PCDHA11: variants seen among roughly 807,000 people sequenced by gnomAD.
PCDHA11 encodes the protein protocadherin alpha-11.
A neutral mutation model predicts 70.3 loss-of-function variants in PCDHA11; 61 were observed. The ratio of observed to expected loss-of-function variants is 0.87; its 90% CI spans 0.71 to 1.07. The LOEUF is 1.07. Ranked by LOEUF, PCDHA11 falls within the 50% of genes least tolerant of loss-of-function variation. The probability of loss-of-function intolerance (pLI) is 0.00; values close to 1 mark genes in which losing one functional copy is unlikely to be tolerated. For missense variants in PCDHA11, 1,324 were observed against 1,237.5 expected, an observed-to-expected ratio of 1.07 and a Z score of -1.05; for synonymous variants, 633 against 555.1, an observed-to-expected ratio of 1.14 and a Z score of -1.97.
chr5:140,928,109 A>G (rs1472439079), intron 1 of PCDHA11: 1 of 1,614,104 alleles, frequency 6.2e-7, no homozygotes, highest in Middle Eastern at 1.6e-4. Flanking sequence ...CTGGACCGGG[A>G]GCAGATCAGT....
At chr5:140,894,363 C>T (rs971503382) in intron 1 of PCDHA11, among the ~76,000 whole-genome samples, 1 of 151,968 alleles carries the variant, frequency 6.6e-6, no homozygotes, top group Admixed American at 6.5e-5. Context: ...ATTTCTTCTT[C>T]AATGGCTCCA....
Position 140,996,044 on chromosome 5 carries a change from A to G in PCDHA11, c.2539+13481A>G, listed in dbSNP as rs569475149. Among the ~76,000 whole-genome samples, 13 of 152,366 alleles carry G rather than the reference A, an allele frequency of 8.5e-5. No homozygotes were observed. The South Asian group carries it at 1.9e-3, about 22-fold the overall frequency. Reference sequence around the variant, plus strand: ...GTTTAATGCTCCTAGCACTTAACACAGTGCTTGGCACACAGTAAAGAGGAT... The same window carrying G: ...GTTTAATGCTCCTAGCACTTAACACGGTGCTTGGCACACAGTAAAGAGGAT... On this transcript the variant is annotated intron_variant, in intron 3 of 3. Coordinates refer to ENST00000398640, the MANE Select transcript of PCDHA11 (RefSeq NM_018902.5).
chr5:140,881,241 T>C, intron 1 of PCDHA11: 1 of 382,456 alleles, frequency 2.6e-6, no homozygotes, highest in Non-Finnish European at 3.6e-6. Context: ...TCAATTTAAA[T>C]GACGGCAAGG....
At chr5:140,972,660 A>T (rs868975656) in intron 1 of PCDHA11, among the ~76,000 whole-genome samples, 47 of 117,276 alleles carry the variant, frequency 4.0e-4, no homozygotes, top group Non-Finnish European at 6.8e-4. Flanking sequence ...AAGAAACCAA[A>T]TTTTTTTTTT....
chr5:140,927,325 C>T, intron 1 of PCDHA11: 6 of 1,614,234 alleles, frequency 3.7e-6, no homozygotes, highest in South Asian at 1.1e-5. Context: ...CCGCTTTACT[C>T]TCCCGAATGC....
rs782079089 is a variant in PCDHA11, at chr5:141,009,663, C to T, written c.2576C>T (p.Ala859Val). 4 of 1,614,034 alleles carry T rather than the reference C, an allele frequency of 2.5e-6. No individual in the cohort carries two copies. Among genetic ancestry groups the T allele is most frequent in the East Asian group, 2.2e-5 (1 of 44,876 alleles). ...GGAGAAGTGTCCCCTCCAGTCGGTG[C>T]GGGTGTCAACAGCAACAGCTGGACC... Reference protein sequence around the residue: ...EAGEVSPPVGAGVNSNSWTFK... With the variant: ...EAGEVSPPVGVGVNSNSWTFK... Residue 859 changes from alanine to valine, a missense_variant, in exon 4 of 4, where the codon GCG (alanine) becomes GTG (valine). Transcript: ENST00000398640.
chr5:140,919,926 TG>T (rs1366281727), intron 1 of PCDHA11, among the ~76,000 whole-genome samples: 3 of 152,088 alleles, frequency 2.0e-5, no homozygotes, highest in African/African-American at 7.2e-5. Flanking sequence ...AATTTTCAGG[TG>T]GGGGCTAATT....
At chr5:141,004,192 C>G (rs2098157863) in intron 3 of PCDHA11, among the ~76,000 whole-genome samples, 1 of 152,192 alleles carries the variant, frequency 6.6e-6, no homozygotes, top group African/African-American at 2.4e-5. Flanking sequence ...TGCTCTTAAC[C>G]AAAAGGAATT....
chr5:140,971,182 G>A (rs1158073557), intron 1 of PCDHA11, among the ~76,000 whole-genome samples: 7 of 152,110 alleles, frequency 4.6e-5, no homozygotes, highest in Admixed American at 1.3e-4. Flanking sequence ...GCTGTAAGCC[G>A]GAAGCTCAGA....
intron 3 of PCDHA11, among the ~76,000 whole-genome samples, chr5:141,006,916 A>G (rs111263219): frequency 0.011 from 1,648 of 152,304 alleles, 31 homozygotes; most frequent in African/African-American, 0.038. Context: ...TGGGATGCCC[A>G]TGAGATTTCC....
intron 1 of PCDHA11, among the ~76,000 whole-genome samples, chr5:140,906,598 C>T (rs1258343234): frequency 6.6e-6 from 1 of 152,238 alleles, no homozygotes; most frequent in African/African-American, 2.4e-5. Flanking sequence ...TCCTCTACTA[C>T]TCATTCTGTA....
chr5:140,884,295 C>T, intron 1 of PCDHA11: 3 of 1,613,680 alleles, frequency 1.9e-6, no homozygotes, highest in South Asian at 2.2e-5. Context: ...GGCCAAGCGC[C>T]ACAGGCTTCG....
chr5:141,009,634 G>A lies in PCDHA11; in HGVS notation c.2547G>A (p.Glu849=). The change falls in exon 4 of 4, where the codon GAG becomes GAA. Residue 849 remains glutamate (E), a synonymous_variant. Transcript: ENST00000398640. Reference sequence around the variant, plus strand: ...TAATGTTTTGTCTTTCAGAACCAGAGGCAGGAGAAGTGTCCCCTCCAGTCG... The same window carrying A: ...TAATGTTTTGTCTTTCAGAACCAGAAGCAGGAGAAGTGTCCCCTCCAGTCG... The part of the protein sequence containing the change: ...PTVSSATPEP[E]AGEVSPPVGA... The A allele has an allele frequency of 6.2e-7, 1 of 1,613,116 alleles. No individual in the cohort carries two copies. The highest frequency in any genetic ancestry group is 8.5e-7 in the Non-Finnish European group (1 of 1,179,406).
chr5:140,877,217 C>A (rs571871387), intron 1 of PCDHA11: 2 of 1,613,742 alleles, frequency 1.2e-6, no homozygotes, highest in African/African-American at 1.3e-5. Flanking sequence ...GAGTTGGTAC[C>A]GCGGTCGGTG....
chr5:140,953,713 A>T (rs1372806666), intron 1 of PCDHA11, among the ~76,000 whole-genome samples: 1 of 152,218 alleles, frequency 6.6e-6, no homozygotes, highest in Admixed American at 6.5e-5. Context: ...TGAGCTTCAG[A>T]CATTGTGTTT....
chr5:140,876,878 C>T (rs1305242755), intron 1 of PCDHA11: 1 of 1,614,118 alleles, frequency 6.2e-7, no homozygotes, highest in Admixed American at 1.7e-5. Context: ...GAGAACAACC[C>T]GCCGGGCTGC....
chr5:140,966,909 T>C, intron 1 of PCDHA11: 1 of 1,601,466 alleles, frequency 6.2e-7, no homozygotes, highest in Non-Finnish European at 8.5e-7. Context: ...CGATACTCTG[T>C]GCCAGAGGAG....
At chr5:140,872,016 C>T (rs2053445167) in intron 1 of PCDHA11, among the ~76,000 whole-genome samples, 1 of 152,182 alleles carries the variant, frequency 6.6e-6, no homozygotes, top group Non-Finnish European at 1.5e-5. Flanking sequence ...TGACCTGTAG[C>T]CTGGAACTGC....
intron 1 of PCDHA11, among the ~76,000 whole-genome samples, chr5:140,935,339 A>G (rs1048024159): frequency 1.3e-5 from 2 of 152,180 alleles, no homozygotes; most frequent in Admixed American, 6.5e-5. Context: ...TTTCTCCCAT[A>G]CGTCAAATCC....
Sources: allele counts gnomAD v4.1 joint callset (sites outside exome capture counted in the v4.1 genomes callset), GRCh38; gene constraint gnomAD v4.1.1; transcripts MANE v1.5; gene names NCBI Gene and HGNC (gene_info 2026-07-23, HGNC 2026-07-21).